NOP56: variants seen among roughly 807,000 people sequenced by gnomAD.
NOP56 encodes the protein NOP56 ribonucleoprotein.
In NOP56, 31 loss-of-function variants were observed where a neutral mutation model predicts 58.3. That is an observed-to-expected ratio of 0.53 (90% confidence interval 0.40 to 0.72). The LOEUF (loss-of-function observed/expected upper bound fraction) is 0.72, where lower values mean the gene tolerates loss of function less well. Among genes scored for constraint, NOP56 ranks in the 30% least tolerant of loss-of-function variants. The pLI, the probability that NOP56 is intolerant of heterozygous loss-of-function variation, is 0.00. For missense variants in NOP56, 669 were observed against 739.9 expected, an observed-to-expected ratio of 0.90 and a Z score of 1.11; for synonymous variants, 313 against 282.8, an observed-to-expected ratio of 1.11 and a Z score of -1.07.
intron 6 of NOP56, 33 bp downstream of exon 6, chr20:2,655,545 A>G: frequency 6.2e-7 from 1 of 1,614,132 alleles, no homozygotes; most frequent in Non-Finnish European, 8.5e-7. Flanking sequence ...TGCATAAGGT[A>G]TGGGGCTCTA....
At chr20:2,657,762 T>C in intron 11 of NOP56, 167 bp from the exon 12 acceptor site, 1 of 734,798 alleles carries the variant, frequency 1.4e-6, no homozygotes, top group East Asian at 2.6e-5. Context: ...TCCTTCTAAT[T>C]TGGGACAGCC....
intron 8 of NOP56, 170 bp from the exon 9 acceptor site, chr20:2,656,231 G>A (rs1441447791): frequency 1.2e-6 from 2 of 1,604,672 alleles, no homozygotes; most frequent in Non-Finnish European, 1.7e-6. Flanking sequence ...GACATTGGAT[G>A]CCTTCCCTCT....
chr20:2,652,930 AG>A lies in NOP56; in HGVS notation c.93+1del. 1 of 1,599,404 alleles carries A rather than the reference AG, an allele frequency of 6.3e-7. No homozygotes were observed. Among genetic ancestry groups the A allele is most frequent in the Non-Finnish European group, 8.5e-7 (1 of 1,172,180 alleles). ...GAGGAGATCAGTCTGCTGCAGCCGC[AG>A]GTGGGTGAGATCCGTGGGCTCCTTT... ...EVEEISLLQPQVEESVLNLGK... is the reference protein window; with the variant it reads ...EVEEISLLQPXVEESVLNLGK... On this transcript the variant is annotated frameshift_variant and splice_region_variant, in exon 2 of 12. Coordinates refer to ENST00000329276, the MANE Select transcript of NOP56 (RefSeq NM_006392.4). LOFTEE classifies it high-confidence loss of function.
In NOP56 at chr20:2,652,674, G is replaced by A; in HGVS notation, c.3+11G>A. 3 of 1,456,242 alleles carry A rather than the reference G, an allele frequency of 2.1e-6. No homozygotes were observed. The highest frequency in any genetic ancestry group is 2.7e-6 in the Non-Finnish European group (3 of 1,112,176). 90.2% of individuals were successfully genotyped at this position (1,456,242 alleles called of 1,614,324 possible). A position where few individuals can be genotyped will look rare whatever the true frequency, so the allele number is the denominator to read the frequency against. Reference sequence around the variant, plus strand: ...GGAGCTGGCGCCATGGTGAGGAGTGGTTGCGGGGCGCGGGCGACGCGACGG... The same window carrying A: ...GGAGCTGGCGCCATGGTGAGGAGTGATTGCGGGGCGCGGGCGACGCGACGG... On this transcript the variant is annotated intron_variant, in intron 1 of 11. Coordinates refer to ENST00000329276, the MANE Select transcript of NOP56 (RefSeq NM_006392.4).
Position 2,655,986 on chromosome 20 carries a change from A to G in NOP56, c.962A>G (p.Tyr321Cys). Residue 321 changes from tyrosine (Y) to cysteine (C), a missense_variant, in exon 8 of 12, where the codon TAT (tyrosine) becomes TGT (cysteine). By Grantham distance (194) the Tyr-to-Cys change is radical. Transcript: ENST00000329276. Reference protein sequence around the residue: ...HAGSLTNLAKYPASTVQILGA... With the variant: ...HAGSLTNLAKCPASTVQILGA... ...GGCAGCCTCACCAACCTGGCCAAGT[A>G]TCCAGCATCCACAGTGCAGATCCTT... 1 of 1,614,194 alleles carries G rather than the reference A, an allele frequency of 6.2e-7. No individual in the cohort carries two copies. The highest frequency in any genetic ancestry group is 1.1e-5 in the South Asian group (1 of 91,082).
rs2086759275 is a variant in NOP56, at chr20:2,652,638, A to C, written c.-23A>C. The C allele has an allele frequency of 3.6e-6, 5 of 1,407,808 alleles. No individual in the cohort carries two copies. Among genetic ancestry groups the C allele is most frequent in the Non-Finnish European group, 4.6e-6 (5 of 1,088,984 alleles). 87.2% of individuals were successfully genotyped at this position (1,407,808 alleles called of 1,614,324 possible). On this transcript the variant is annotated 5_prime_UTR_variant, in exon 1 of 12. Coordinates refer to ENST00000329276, the MANE Select transcript of NOP56 (RefSeq NM_006392.4). ...GCCGGAGCGCGCTAGCCGCATTGCG[A>C]GCCGAACCCGGGAGCTGGCGCCATG... is the stretch of plus-strand genomic sequence containing the variant.
chr20:2,657,331 A>G (rs1177947892), intron 11 of NOP56, 113 bp downstream of exon 11: 1 of 1,451,430 alleles, frequency 6.9e-7, no homozygotes, highest in Admixed American at 1.7e-5. Context: ...TTGGACTGAA[A>G]CAAGGACCTG....
At position 2,655,723 on chromosome 20, in the gene NOP56, C is replaced by T. The variant is rs1166357559; in HGVS notation, c.886C>T (p.Leu296=). The stretch of plus-strand genomic sequence containing the variant: ...CAAGATGAGCCAAGTAGCCCCCAGC[C>T]TGTCAGCCCTAATTGGGGAAGCGGT... ...RSKMSQVAPS[L]SALIGEAVGA... Residue 296 remains leucine, a synonymous_variant, in exon 7 of 12, where the codon CTG becomes TTG. Transcript: ENST00000329276. 1.9e-6 allele frequency: 3 copies of T among 1,614,106 alleles called. No homozygotes were observed. Among genetic ancestry groups the T allele is most frequent in the African/African-American group, 2.7e-5 (2 of 74,944 alleles).
chr20:2,652,679 GGGGCGC>G lies in NOP56; in HGVS notation c.3+22_3+27del, dbSNP rs28970277. 0.32 allele frequency: 477,271 copies of G among 1,469,158 alleles called. 78,517 individuals carry two copies. Among genetic ancestry groups the G allele is most frequent in the South Asian group, 0.41 (29,766 of 71,732 alleles). 91.0% of individuals were successfully genotyped at this position (1,469,158 alleles called of 1,614,324 possible). ...TGGCGCCATGGTGAGGAGTGGTTGC[GGGGCGC>G]GGGCGACGCGACGGTGGGGGTTTCG... is the stretch of plus-strand genomic sequence containing the variant. On this transcript the variant is annotated intron_variant, in intron 1 of 11. Coordinates refer to ENST00000329276, the MANE Select transcript of NOP56 (RefSeq NM_006392.4).
chr20:2,656,605 AG>A, intron 9 of NOP56, 56 bp downstream of exon 9: 1 of 1,609,788 alleles, frequency 6.2e-7, no homozygotes, highest in Non-Finnish European at 8.5e-7. Flanking sequence ...CTGGGTGGGG[AG>A]GCTTGCAACC....
chr20:2,654,671 T>G, intron 4 of NOP56, 78 bp from the exon 5 acceptor site: 5 of 1,605,972 alleles, frequency 3.1e-6, no homozygotes, highest in Non-Finnish European at 4.3e-6. Flanking sequence ...TGGGAAGGCC[T>G]TCAGGCTGGG....
In NOP56 at chr20:2,656,771, CAGA is replaced by C; in HGVS notation, c.1160-2_1160del. On this transcript the variant is annotated splice_acceptor_variant and coding_sequence_variant, in exon 10 of 12. Transcript: ENST00000329276. LOFTEE classifies it high-confidence loss of function. Reference sequence around the variant, plus strand: ...ACAGGCTTTGTCACCCACACACATCCAGAGGTGCCCACGAGTGTATTCGGGGAG... The same window carrying C: ...ACAGGCTTTGTCACCCACACACATCCGGTGCCCACGAGTGTATTCGGGGAG... The C allele has an allele frequency of 6.2e-7, 1 of 1,614,164 alleles. No homozygotes were observed. Among genetic ancestry groups the C allele is most frequent in the Non-Finnish European group, 8.5e-7 (1 of 1,180,042 alleles).
intron 3 of NOP56, 32 bp downstream of exon 3, chr20:2,653,425 G>A (rs767988365): frequency 1.9e-6 from 3 of 1,570,378 alleles, no homozygotes; most frequent in East Asian, 2.2e-5. Context: ...GTCACAGAGA[G>A]ATGTGGTTCC....
chr20:2,656,559 G>C lies in NOP56; in HGVS notation c.1159+10G>C, dbSNP rs373547756. The C allele has an allele frequency of 2.5e-6, 4 of 1,613,420 alleles. No individual in the cohort carries two copies. The highest frequency in any genetic ancestry group is 3.4e-6 in the Non-Finnish European group (4 of 1,179,970). On this transcript the variant is annotated intron_variant, in intron 9 of 11. Transcript: ENST00000329276. ...ATCGATTGCTTCTCTGGTATGGGTG[G>C]GGGGGCGTTGGCAGGTGTGAGAAGG...
Position 2,655,631 on chromosome 20 carries a change from A to G in NOP56, c.794A>G (p.Glu265Gly). 6.2e-7 allele frequency: 1 copy of G among 1,614,190 alleles called. No individual in the cohort carries two copies. The highest frequency in any genetic ancestry group is 8.5e-7 in the Non-Finnish European group (1 of 1,180,020). Residue 265 changes from glutamate to glycine, a missense_variant, in exon 7 of 12, where the codon GAG (glutamate) becomes GGG (glycine). Coordinates refer to ENST00000329276, the MANE Select transcript of NOP56 (RefSeq NM_006392.4). Reference protein sequence around the residue: ...DISAIDLINIESFSSRVVSLS... With the variant: ...DISAIDLINIGSFSSRVVSLS... ...TCTGCCATTGACTTGATAAACATCG[A>G]GAGCTTCTCCAGTCGTGTGGTGTCT... is the stretch of plus-strand genomic sequence containing the variant.
At chr20:2,657,510 C>T (rs2146299636) in intron 11 of NOP56, 1 of 623,034 alleles carries the variant, frequency 1.6e-6, no homozygotes, top group South Asian at 1.7e-5. Flanking sequence ...TCCTGCTCTG[C>T]TTATTATCAG....
intron 11 of NOP56, chr20:2,657,532 G>T: frequency 1.8e-6 from 1 of 562,554 alleles, no homozygotes; most frequent in Non-Finnish European, 3.3e-6. Context: ...CGTGTGTCCG[G>T]AGGTGGTCGT....
chr20:2,657,029 T>C, intron 10 of NOP56, 52 bp from the exon 11 acceptor site: 1 of 1,613,318 alleles, frequency 6.2e-7, no homozygotes, highest in Non-Finnish European at 8.5e-7. Flanking sequence ...CAGAAAGGAG[T>C]CCTCAGAGCA....
intron 5 of NOP56, 41 bp from the exon 6 acceptor site, chr20:2,655,284 A>T (rs1384409486): frequency 6.2e-7 from 1 of 1,612,046 alleles, no homozygotes; most frequent in African/African-American, 1.3e-5. Context: ...ATGGTTTTTG[A>T]TGAAGCAGCT....
Sources: allele counts gnomAD v4.1 joint callset, GRCh38; gene constraint gnomAD v4.1.1; transcripts MANE v1.5; gene names NCBI Gene and HGNC (gene_info 2026-07-23, HGNC 2026-07-21).